DNAH17: variants seen among roughly 807,000 people sequenced by gnomAD.
DNAH17 encodes axonemal beta dynein heavy chain 17.
DNAH17 carries 376 observed loss-of-function variants against 485.6 expected under a neutral mutation model. The ratio of observed to expected loss-of-function variants is 0.77; its 90% CI spans 0.71 to 0.84. The LOEUF is 0.84. Among genes scored for constraint, DNAH17 ranks in the 40% least tolerant of loss-of-function variants. DNAH17 has a pLI of 0.00. For synonymous variants in DNAH17, 3,031 were observed against 2,405.9 expected (o/e 1.26, Z -7.60); for missense variants, 6,370 against 5,839.3 (o/e 1.09, Z -2.96).
chr17:78,525,840 G>A (rs181913453), intron 24 of DNAH17, among the ~76,000 whole-genome samples: 311 of 152,358 alleles, frequency 2.0e-3, no homozygotes, highest in Middle Eastern at 3.4e-3. Context: ...TGAGGAATGC[G>A]ACATGAGGAA....
intron 69 of DNAH17, among the ~76,000 whole-genome samples, chr17:78,448,357 A>G (rs1348812136): frequency 6.6e-6 from 1 of 151,938 alleles, no homozygotes; most frequent in Non-Finnish European, 1.5e-5. Flanking sequence ...TAAATAAATA[A>G]AAAATTAAAA....
At chr17:78,564,362 CTTAAT>C (rs111557205) in intron 11 of DNAH17, among the ~76,000 whole-genome samples, 5,267 of 152,168 alleles carry the variant, frequency 0.035, 317 homozygotes, top group African/African-American at 0.12. Context: ...GACCAAGTTA[CTTAAT>C]TTTTCAGATT....
Position 78,468,636 on chromosome 17 carries a change from T to G in DNAH17, c.8759A>C (p.Lys2920Thr). 6.2e-7 allele frequency: 1 copy of G among 1,613,610 alleles called. No individual in the cohort carries two copies. Among genetic ancestry groups the G allele is most frequent in the East Asian group, 2.2e-5 (1 of 44,882 alleles). ...CCCCACCTTGAGCTGTCTGCGCACT[T>G]TTTCGATGAAGAACTTCCAACATGT... is the stretch of plus-strand genomic sequence containing the variant. ...RETCWKFFIEKVRRQLKVILC... is the reference protein window; with the variant it reads ...RETCWKFFIETVRRQLKVILC... The change falls in exon 55 of 81, where the codon AAA becomes ACA. Residue 2920 changes from lysine (K) to threonine (T), a missense_variant. Lys to Thr is a moderately conservative substitution (Grantham distance 78). Transcript: ENST00000389840.
In DNAH17 at chr17:78,510,260, G is replaced by A. The variant is rs2090597364; in HGVS notation, c.4236+124C>T. 3.6e-6 allele frequency: 5 copies of A among 1,399,016 alleles called. No individual in the cohort carries two copies. The South Asian group carries it at 6.8e-5, about 19-fold the overall frequency. 86.7% of individuals were successfully genotyped at this position (1,399,016 alleles called of 1,614,324 possible). On this transcript the variant is annotated intron_variant, in intron 27 of 80. Transcript: ENST00000389840. ...GATTTGTCACAGGTTGGGTAAGAAA[G>A]GCCCGCCAGACTTCCCGTGAGAGCC...
Position 78,484,856 on chromosome 17 carries a change from G to C in DNAH17, c.7649+12C>G. The C allele has an allele frequency of 1.3e-6, 2 of 1,487,234 alleles. No individual in the cohort carries two copies. The highest frequency in any genetic ancestry group is 1.8e-6 in the Non-Finnish European group (2 of 1,110,068). The allele number at this position is 1,487,234 out of a possible 1,614,324, so 92.1% of individuals were successfully genotyped here. Reference sequence around the variant, plus strand: ...GGGCCACGCCTTCCCCTCCGGCCCCGCCCCGTCTAACCAGTGCCGGTGGTC... The same window carrying C: ...GGGCCACGCCTTCCCCTCCGGCCCCCCCCCGTCTAACCAGTGCCGGTGGTC... On this transcript the variant is annotated intron_variant, in intron 48 of 80. Coordinates refer to ENST00000389840, the MANE Select transcript of DNAH17 (RefSeq NM_173628.4).
chr17:78,573,463 G>C (rs1293544132), intron 2 of DNAH17, among the ~76,000 whole-genome samples: 1 of 152,010 alleles, frequency 6.6e-6, no homozygotes, highest in Non-Finnish European at 1.5e-5. Flanking sequence ...GCCAGGCATG[G>C]TGGCACCTGC....
intron 70 of DNAH17, 77 bp from the exon 71 acceptor site, chr17:78,444,874 A>G: frequency 6.4e-6 from 9 of 1,401,776 alleles, no homozygotes; most frequent in East Asian, 2.6e-5. Flanking sequence ...CAGTTCATTC[A>G]AGGAGGAGAG....
chr17:78,570,377 G>T lies in DNAH17; in HGVS notation c.919-5C>A. 2 of 1,609,558 alleles carry T rather than the reference G, an allele frequency of 1.2e-6. No individual in the cohort carries two copies. The highest frequency in any genetic ancestry group is 1.7e-6 in the Non-Finnish European group (2 of 1,178,542). On this transcript the variant is annotated splice_region_variant and splice_polypyrimidine_tract_variant and intron_variant, in intron 6 of 80. Transcript: ENST00000389840. ...CTTGGCAATGAAGGTGGGGAGCTGG[G>T]GGGAGACAGGCCCAGGCACACTGGA...
rs1555650714 is a variant in DNAH17, at chr17:78,433,935, G to GGGAAGGAGGGAA, written c.12225+93_12225+94insTTCCCTCCTTCC. On this transcript the variant is annotated intron_variant, in intron 75 of 80. Transcript: ENST00000389840. ...GGAAAGGGAGGGAAGGAAGGAGGGA[G>GGGAAGGAGGGAA]GGAAGGAGGGAGGGAAGGAGGGAGG... 6.9e-6 allele frequency: 6 copies of GGGAAGGAGGGAA among 873,886 alleles called. No individual in the cohort carries two copies. In the African/African-American group the frequency reaches 1.5e-4, roughly 21 times the overall value. 54.1% of individuals were successfully genotyped at this position (873,886 alleles called of 1,614,324 possible).
At chr17:78,435,721 T>C (rs944985601) in intron 74 of DNAH17, among the ~76,000 whole-genome samples, 1 of 152,192 alleles carries the variant, frequency 6.6e-6, no homozygotes, top group Non-Finnish European at 1.5e-5. Flanking sequence ...TCTGCGCTGA[T>C]CTCATACAGA....
At chr17:78,496,689 T>TA (rs2090085208) in intron 37 of DNAH17, 1 of 111,062 alleles carries the variant, frequency 9.0e-6, no homozygotes, top group Non-Finnish European at 1.7e-5. Flanking sequence ...TTTTTTTTTT[T>TA]AAGACTGAGT....
At chr17:78,481,033 G>A (rs1340731931) in intron 48 of DNAH17, among the ~76,000 whole-genome samples, 32 of 151,634 alleles carry the variant, frequency 2.1e-4, no homozygotes. Flanking sequence ...CTAACCTCGT[G>A]ATGCGCCCGC....
chr17:78,487,841 G>A (rs2089679193), intron 44 of DNAH17, among the ~76,000 whole-genome samples: 1 of 152,164 alleles, frequency 6.6e-6, no homozygotes, highest in South Asian at 2.1e-4. Flanking sequence ...ACACTCTTCT[G>A]TGAGTGTGCT....
intron 3 of DNAH17, among the ~76,000 whole-genome samples, chr17:78,572,447 C>T (rs370613538): frequency 2.0e-5 from 3 of 152,094 alleles, no homozygotes; most frequent in South Asian, 2.1e-4. Context: ...TGTGACCCAG[C>T]GGGGGGTGTG....
chr17:78,474,565 C>A (rs1056196122), intron 54 of DNAH17, among the ~76,000 whole-genome samples: 9 of 152,212 alleles, frequency 5.9e-5, no homozygotes, highest in African/African-American at 1.9e-4. Context: ...GAATAGGTAA[C>A]AATTTGGAAC....
At chr17:78,450,640 C>T (rs1321939782) in intron 67 of DNAH17, 42 bp downstream of exon 67, 2 of 1,592,188 alleles carry the variant, frequency 1.3e-6, no homozygotes, top group African/African-American at 1.3e-5. Flanking sequence ...CCCAGCCTCC[C>T]AAGCCCTGGC....
intron 54 of DNAH17, among the ~76,000 whole-genome samples, chr17:78,472,052 G>A (rs539242547): frequency 1.6e-4 from 24 of 152,284 alleles, no homozygotes; most frequent in African/African-American, 4.8e-4. Context: ...AGCCAAGGAC[G>A]GCAATCGTCA....
intron 54 of DNAH17, among the ~76,000 whole-genome samples, chr17:78,471,305 G>A (rs1021526593): frequency 6.6e-6 from 1 of 152,166 alleles, no homozygotes; most frequent in African/African-American, 2.4e-5. Flanking sequence ...AAAAAGCAAG[G>A]GGAAGCTCTG....
chr17:78,484,136 C>G (rs1015944005), intron 48 of DNAH17, among the ~76,000 whole-genome samples: 1 of 132,008 alleles, frequency 7.6e-6, no homozygotes, highest in Non-Finnish European at 1.6e-5. Flanking sequence ...GACAACTGAA[C>G]TGAATGTTCT....
Sources: allele counts gnomAD v4.1 joint callset (sites outside exome capture counted in the v4.1 genomes callset), GRCh38; gene constraint gnomAD v4.1.1; transcripts MANE v1.5; gene names NCBI Gene and HGNC (gene_info 2026-07-23, HGNC 2026-07-21).